Variants in CDC42EP5 observed in about 807,000 individuals in gnomAD.
CDC42EP5 encodes CDC42 effector protein (Rho GTPase binding) 5.
For synonymous variants in CDC42EP5, 118 were observed against 123.3 expected, an observed-to-expected ratio of 0.96 and a Z score of 0.28; for missense variants, 269 against 238.0, an observed-to-expected ratio of 1.13 and a Z score of -0.86.
intron 2 of CDC42EP5, among the ~76,000 whole-genome samples, chr19:54,470,586 A>G (rs2084821924): frequency 1.3e-5 from 2 of 152,010 alleles, no homozygotes; most frequent in East Asian, 3.9e-4. Flanking sequence ...AGAAAGAAAG[A>G]CTACACTGAG....
chr19:54,466,854 A>C (rs549798059), intron 2 of CDC42EP5, among the ~76,000 whole-genome samples: 32 of 152,234 alleles, frequency 2.1e-4, no homozygotes, highest in Admixed American at 9.2e-4. Context: ...TAAGAGACTT[A>C]AACATCTGCA....
At chr19:54,465,587 G>T (rs1422783569) in intron 2 of CDC42EP5, 40 bp from the exon 3 acceptor site, 1 of 1,416,370 alleles carries the variant, frequency 7.1e-7, no homozygotes, top group South Asian at 1.5e-5. Context: ...CCCCAGCCCG[G>T]GGCTCGCAGC....
chr19:54,467,181 G>A (rs1426588461), intron 2 of CDC42EP5, among the ~76,000 whole-genome samples: 6 of 150,900 alleles, frequency 4.0e-5, no homozygotes, highest in African/African-American at 1.2e-4. Flanking sequence ...AGGCATGGTG[G>A]CTCACACCTG....
chr19:54,468,669 G>C (rs2084787081), intron 2 of CDC42EP5, among the ~76,000 whole-genome samples: 2 of 151,752 alleles, frequency 1.3e-5, no homozygotes, highest in Admixed American at 1.3e-4. Context: ...TCAGACTCCT[G>C]AGTAGCTGGG....
chr19:54,465,637 T>C (rs2081009886), intron 2 of CDC42EP5, 90 bp from the exon 3 acceptor site: 3 of 1,300,884 alleles, frequency 2.3e-6, no homozygotes, highest in African/African-American at 3.1e-5. Flanking sequence ...CGGTTCCCGT[T>C]TTTTGTTTTT....
chr19:54,469,870 C>T (rs2084811341), intron 2 of CDC42EP5, among the ~76,000 whole-genome samples: 1 of 152,136 alleles, frequency 6.6e-6, no homozygotes, highest in African/African-American at 2.4e-5. Flanking sequence ...CTGGTCAGAC[C>T]CAGCTCCCAG....
intron 2 of CDC42EP5, among the ~76,000 whole-genome samples, chr19:54,470,209 A>G (rs1389294687): frequency 6.6e-6 from 1 of 151,882 alleles, no homozygotes; most frequent in Non-Finnish European, 1.5e-5. Context: ...CTCTACAAAA[A>G]TAAAAATAAA....
At chr19:54,471,978 C>A (rs1166617380) in intron 1 of CDC42EP5, among the ~76,000 whole-genome samples, 879 of 34,900 alleles carry the variant, frequency 0.025, 216 homozygotes, top group African/African-American at 0.094. Context: ...CCCAGGAGTC[C>A]AGACCCCCCA....
At chr19:54,465,636 TTTTTTGTTTTTTGA>T in intron 2 of CDC42EP5, 89 bp from the exon 3 acceptor site, 2 of 1,300,796 alleles carry the variant, frequency 1.5e-6, no homozygotes, top group Middle Eastern at 2.9e-4. Flanking sequence ...ACGGTTCCCG[TTTTTTGTTTTTTGA>T]TTTTTGTTTT....
At chr19:54,472,952 C>T (rs1218869229) in intron 1 of CDC42EP5, 112 bp downstream of exon 1, 3 of 107,342 alleles carry the variant, frequency 2.8e-5, no homozygotes, top group African/African-American at 1.3e-4. Context: ...TGAGTCCAGA[C>T]CCCCAGCCCC....
chr19:54,465,132 T>C lies in CDC42EP5; in HGVS notation c.416A>G (p.Asp139Gly). ...PPQARCRPNADLELNDVIGL is the reference protein window; with the variant it reads ...PPQARCRPNAGLELNDVIGL ...GCCGATGACGTCGTTCAGCTCGAGG[T>C]CCGCGTTGGGGCGGCAGCGGGCCTG... Residue 139 changes from aspartate to glycine, a missense_variant, in exon 3 of 3, where the codon GAC (aspartate) becomes GGC (glycine). By Grantham distance (94) the Asp-to-Gly change is moderately conservative. Coordinates refer to ENST00000301200, the MANE Select transcript of CDC42EP5 (RefSeq NM_145057.4). The C allele has an allele frequency of 9.4e-6, 13 of 1,390,322 alleles. No individual in the cohort carries two copies. The South Asian group carries it at 2.2e-4, about 23-fold the overall frequency. The allele number at this position is 1,390,322 out of a possible 1,614,324, so 86.1% of individuals were successfully genotyped here. A position where few individuals can be genotyped will look rare whatever the true frequency, so the allele number is the denominator to read the frequency against.
chr19:54,470,279 G>C (rs2084816516), intron 2 of CDC42EP5, among the ~76,000 whole-genome samples: 1 of 152,040 alleles, frequency 6.6e-6, no homozygotes, highest in African/African-American at 2.4e-5. Context: ...GGCTGAAAAG[G>C]GAAGATCCCT....
intron 2 of CDC42EP5, among the ~76,000 whole-genome samples, chr19:54,467,850 CCA>C (rs1347984825): frequency 6.6e-6 from 1 of 152,158 alleles, no homozygotes; most frequent in African/African-American, 2.4e-5. Flanking sequence ...AGAAACGCAG[CCA>C]CAGAGTCTGC....
Position 54,465,040 on chromosome 19 carries a change from T to C in CDC42EP5, c.*61A>G. The C allele has an allele frequency of 8.1e-7, 1 of 1,239,842 alleles. No homozygotes were observed. Among genetic ancestry groups the C allele is most frequent in the Non-Finnish European group, 1.0e-6 (1 of 976,070 alleles). 76.8% of individuals were successfully genotyped at this position (1,239,842 alleles called of 1,614,324 possible). ...AAAGTCAGAGCCCGGGCACACACCTTGGCCGTTTATGTATACAGAAGTGGG... is the reference window on the plus strand; with the variant it reads ...AAAGTCAGAGCCCGGGCACACACCTCGGCCGTTTATGTATACAGAAGTGGG... On this transcript the variant is annotated 3_prime_UTR_variant, in exon 3 of 3. Coordinates refer to ENST00000301200, the MANE Select transcript of CDC42EP5 (RefSeq NM_145057.4).
At position 54,465,494 on chromosome 19, in the gene CDC42EP5, G is replaced by C; in HGVS notation, c.54C>G (p.Arg18=). ...GPAQPKKRPD[R]GALSISAPLG... Reference sequence around the variant, plus strand: ...GCGGCGCGGAGATGGACAGGGCGCCGCGATCAGGCCGCTTCTTGGGCTGCG... The same window carrying C: ...GCGGCGCGGAGATGGACAGGGCGCCCCGATCAGGCCGCTTCTTGGGCTGCG... The change falls in exon 3 of 3, where the codon CGC becomes CGG. Residue 18 remains arginine, a synonymous_variant. Transcript: ENST00000301200. 1 of 1,537,898 alleles carries C rather than the reference G, an allele frequency of 6.5e-7. No individual in the cohort carries two copies. Among genetic ancestry groups the C allele is most frequent in the Non-Finnish European group, 8.7e-7 (1 of 1,154,564 alleles).
intron 2 of CDC42EP5, among the ~76,000 whole-genome samples, chr19:54,471,279 C>T (rs895685897): frequency 6.6e-6 from 1 of 152,050 alleles, no homozygotes; most frequent in South Asian, 2.1e-4. Context: ...TGCAGGGTGG[C>T]GGGCACAGCT....
chr19:54,467,528 T>G (rs1161955655), intron 2 of CDC42EP5, among the ~76,000 whole-genome samples: 1 of 151,784 alleles, frequency 6.6e-6, no homozygotes, highest in East Asian at 1.9e-4. Context: ...GCATCTGCAT[T>G]GTAAACTAGG....
At position 54,465,155 on chromosome 19, in the gene CDC42EP5, C is replaced by CT. The variant is rs2084728225; in HGVS notation, c.392dup (p.Ala132GlyfsTer?). 2.1e-6 allele frequency: 3 copies of CT among 1,406,608 alleles called. No homozygotes were observed. The highest frequency in any genetic ancestry group is 1.6e-5 in the South Asian group (1 of 63,356). The allele number at this position is 1,406,608 out of a possible 1,614,324, so 87.1% of individuals were successfully genotyped here. A position where few individuals can be genotyped will look rare whatever the true frequency, so the allele number is the denominator to read the frequency against. ...GGTCCGCGTTGGGGCGGCAGCGGGC[C>CT]TGGGGGGGCTGCGTCCCGGGGCGGG... On this transcript the variant is annotated frameshift_variant, in exon 3 of 3. Coordinates refer to ENST00000301200, the MANE Select transcript of CDC42EP5 (RefSeq NM_145057.4). LOFTEE classifies it high-confidence loss of function.
At chr19:54,469,356 T>C (rs60488040) in intron 2 of CDC42EP5, among the ~76,000 whole-genome samples, 5,618 of 147,750 alleles carry the variant, frequency 0.038, 177 homozygotes, top group South Asian at 0.15. Flanking sequence ...AGCTCATTAA[T>C]GTATCTTCTG....
Sources: gnomAD v4.1 joint callset for allele counts (sites outside exome capture counted in the v4.1 genomes callset) on GRCh38, gnomAD v4.1.1 for gene constraint, MANE v1.5 for transcripts, NCBI Gene and HGNC (gene_info 2026-07-23, HGNC 2026-07-21) for gene names.